The following FGGY variants were observed in gnomAD, a reference collection of about 807,000 sequenced individuals.
FGGY encodes FGGY carbohydrate kinase domain containing.
Under a neutral mutation model 71.3 loss-of-function variants are expected in FGGY, and 72 were observed. That is an observed-to-expected ratio of 1.01 (90% CI 0.84 to 1.23). The LOEUF is 1.23. Ranked by LOEUF, FGGY falls within the 50% of genes most tolerant of loss-of-function variation. FGGY has a pLI of 0.00. For missense variants in FGGY, 668 were observed against 682.3 expected (o/e 0.98, Z 0.23); for synonymous variants, 251 against 250.3 (o/e 1.00, Z -0.02).
intron 8 of FGGY, among the ~76,000 whole-genome samples, chr1:59,566,843 A>G (rs565997992): frequency 6.6e-6 from 1 of 152,254 alleles, no homozygotes; most frequent in African/African-American, 2.4e-5. Flanking sequence ...ACATCTAGAG[A>G]ACTGAGTATA....
chr1:59,742,295 G>GTGC (rs2098157175), intron 14 of FGGY, among the ~76,000 whole-genome samples: 1 of 152,168 alleles, frequency 6.6e-6, no homozygotes, highest in African/African-American at 2.4e-5. Flanking sequence ...TCAGTCATTA[G>GTGC]TGCTGACCCA....
At chr1:59,721,276 A>T (rs1222828809) in intron 14 of FGGY, among the ~76,000 whole-genome samples, 1 of 150,228 alleles carries the variant, frequency 6.7e-6, no homozygotes, top group African/African-American at 2.5e-5. Context: ...TTTTTAGAAG[A>T]GTTTTATATT....
intron 14 of FGGY, among the ~76,000 whole-genome samples, chr1:59,750,806 C>T (rs2098238847): frequency 6.6e-6 from 1 of 152,118 alleles, no homozygotes; most frequent in Non-Finnish European, 1.5e-5. Context: ...TCACGTGCCT[C>T]AGCCCACACA....
chr1:59,354,613 T>TG (rs1257039410), intron 4 of FGGY, among the ~76,000 whole-genome samples: 1 of 152,196 alleles, frequency 6.6e-6, no homozygotes, highest in African/African-American at 2.4e-5. Context: ...GATCTGAGGC[T>TG]GTGAACAATG....
chr1:59,298,331 G>C (rs2153071422), intron 1 of FGGY, among the ~76,000 whole-genome samples: 1 of 152,222 alleles, frequency 6.6e-6, no homozygotes, highest in South Asian at 2.1e-4. Context: ...AGGATGATTG[G>C]GGGAACAGAT....
intron 14 of FGGY, among the ~76,000 whole-genome samples, chr1:59,719,866 C>A (rs1250841041): frequency 6.6e-6 from 1 of 152,182 alleles, no homozygotes; most frequent in Non-Finnish European, 1.5e-5. Context: ...CCCAAAAAGA[C>A]ATGACCTGTG....
At chr1:59,627,726 C>A (rs1306546474) in intron 10 of FGGY, among the ~76,000 whole-genome samples, 2 of 151,798 alleles carry the variant, frequency 1.3e-5, no homozygotes, top group Admixed American at 6.6e-5. Context: ...TGAGTCTACG[C>A]TGCGGCAGTA....
chr1:59,732,785 C>T (rs1223402694), intron 14 of FGGY, among the ~76,000 whole-genome samples: 7 of 152,172 alleles, frequency 4.6e-5, no homozygotes, highest in South Asian at 4.2e-4. Flanking sequence ...CTCATGCTGC[C>T]GGCTGCTTTC....
intron 9 of FGGY, among the ~76,000 whole-genome samples, chr1:59,610,174 T>A (rs2096660849): frequency 6.6e-6 from 1 of 152,180 alleles, no homozygotes; most frequent in Non-Finnish European, 1.5e-5. Context: ...TGTCAACCCA[T>A]CATCTATGTT....
chr1:59,373,091 A>G (rs1192358535), intron 4 of FGGY, among the ~76,000 whole-genome samples: 3 of 152,160 alleles, frequency 2.0e-5, no homozygotes, highest in South Asian at 2.1e-4. Context: ...AAGAATGGGT[A>G]TTCAATTAGG....
intron 9 of FGGY, 110 bp from the exon 10 acceptor site, chr1:59,625,878 C>T (rs1379127572): frequency 4.0e-6 from 3 of 754,880 alleles, no homozygotes; most frequent in South Asian, 3.4e-5. Flanking sequence ...TCTTGGAACC[C>T]GTATGGACAA....
At chr1:59,560,757 A>T (rs1477600685) in intron 8 of FGGY, among the ~76,000 whole-genome samples, 1 of 152,120 alleles carries the variant, frequency 6.6e-6, no homozygotes, top group Admixed American at 6.5e-5. Context: ...ACAATACAAA[A>T]TGGTAACTAC....
At chr1:59,396,818 A>G (rs956075803) in intron 5 of FGGY, among the ~76,000 whole-genome samples, 2 of 152,216 alleles carry the variant, frequency 1.3e-5, no homozygotes, top group African/African-American at 4.8e-5. Flanking sequence ...CACTCAATTC[A>G]TGCTTGTTGT....
intron 7 of FGGY, among the ~76,000 whole-genome samples, chr1:59,544,144 C>CA (rs1442264957): frequency 2.0e-5 from 3 of 151,968 alleles, no homozygotes; most frequent in Non-Finnish European, 4.4e-5. Context: ...GCCCTTTTAA[C>CA]AAAAGATAGA....
At position 59,506,420 on chromosome 1, in the gene FGGY, A is replaced by T. The variant is rs151264708; in HGVS notation, c.671-5891A>T. Among the ~76,000 whole-genome samples, 1,143 of 152,258 alleles carry T rather than the reference A, an allele frequency of 7.5e-3. 12 individuals carry two copies. The highest frequency in any genetic ancestry group is 0.026 in the African/African-American group (1,096 of 41,538). On this transcript the variant is annotated intron_variant, in intron 6 of 15. Coordinates refer to ENST00000303721, the MANE Select transcript of FGGY (RefSeq NM_018291.5). ...TTTCTGAATTTATCTTGGAGTTCCAAATCTATACCTTAATTCAAGTTCATT... is the reference window on the plus strand; with the variant it reads ...TTTCTGAATTTATCTTGGAGTTCCATATCTATACCTTAATTCAAGTTCATT...
intron 5 of FGGY, among the ~76,000 whole-genome samples, chr1:59,453,014 C>T (rs150199964): frequency 6.6e-6 from 1 of 152,334 alleles, no homozygotes; most frequent in East Asian, 1.9e-4. Context: ...GGGGTAAGCC[C>T]TTTGTTCTGC....
intron 2 of FGGY, among the ~76,000 whole-genome samples, chr1:59,331,595 C>A (rs1163118926): frequency 6.6e-6 from 1 of 152,080 alleles, no homozygotes; most frequent in East Asian, 1.9e-4. Context: ...CATTCCTAAT[C>A]CCCCTGAGTA....
At chr1:59,693,754 C>G (rs1331253753) in intron 14 of FGGY, among the ~76,000 whole-genome samples, 1 of 152,118 alleles carries the variant, frequency 6.6e-6, no homozygotes. Flanking sequence ...CACCTGTAAT[C>G]CCAGCACTTT....
intron 8 of FGGY, among the ~76,000 whole-genome samples, chr1:59,579,138 C>A (rs569344821): frequency 5.3e-5 from 8 of 152,230 alleles, no homozygotes; most frequent in African/African-American, 1.9e-4. Context: ...TCATTCAGAT[C>A]GTTCTGTTGG....
Sources: allele counts gnomAD v4.1 joint callset (sites outside exome capture counted in the v4.1 genomes callset), GRCh38; gene constraint gnomAD v4.1.1; transcripts MANE v1.5; gene names NCBI Gene and HGNC (gene_info 2026-07-23, HGNC 2026-07-21).